The following VLDLR variants were observed in gnomAD, a reference collection of about 807,000 sequenced individuals.
The protein encoded by VLDLR is very low density lipoprotein receptor, also known as very low-density lipoprotein receptor.
Under a neutral mutation model 112.7 loss-of-function variants are expected in VLDLR, and 81 were observed. The observed-to-expected ratio is 0.72, with a 90% CI of 0.60 to 0.86. The LOEUF (loss-of-function observed/expected upper bound fraction) is 0.86, where lower values mean the gene tolerates loss of function less well. Among genes scored for constraint, VLDLR ranks in the 40% least tolerant of loss-of-function variants. VLDLR has a pLI of 0.00. For synonymous variants in VLDLR, 436 were observed against 384.8 expected, an observed-to-expected ratio of 1.13 and a Z score of -1.56; for missense variants, 1,237 against 1,099.4, an observed-to-expected ratio of 1.13 and a Z score of -1.77.
intron 3 of VLDLR, 49 bp from the exon 4 acceptor site, chr9:2,641,328 T>G: frequency 2.5e-6 from 4 of 1,612,980 alleles, no homozygotes; most frequent in Non-Finnish European, 3.4e-6. Context: ...AGCAGCAGCT[T>G]TGCATTGATC....
chr9:2,650,426 C>T lies in VLDLR; in HGVS notation c.2161C>T (p.Pro721Ser), dbSNP rs766393542. Residue 721 changes from proline (P) to serine (S), a missense_variant, in exon 15 of 19, where the codon CCA becomes TCA. Pro to Ser is a moderately conservative substitution (Grantham distance 74). Transcript: ENST00000382100. ...ENGGCEYLCL[P>S]APQINDHSPK... Reference sequence around the variant, plus strand: ...TGGAGGATGTGAATACCTATGCCTGCCAGCACCACAGATTAATGATCACTC... The same window carrying T: ...TGGAGGATGTGAATACCTATGCCTGTCAGCACCACAGATTAATGATCACTC... 6.2e-7 allele frequency: 1 copy of T among 1,614,024 alleles called. No homozygotes were observed. The highest frequency in any genetic ancestry group is 8.5e-7 in the Non-Finnish European group (1 of 1,180,016).
chr9:2,658,694 GCA>G lies in VLDLR; in HGVS notation c.*4829_*4830del, dbSNP rs1818693790. 6.6e-6 allele frequency: 1 copy of G among 152,172 alleles called. No individual in the cohort carries two copies. Among genetic ancestry groups the G allele is most frequent in the Non-Finnish European group, 1.5e-5 (1 of 68,042 alleles). The allele number at this position is 152,172 out of a possible 1,614,324, so 9.4% of individuals were successfully genotyped here. ...AAGTGAGATGCACACAAAAAGCTCAGCACAGTGTCTGGCATCTAATATGTGCA... is the reference window on the plus strand; with the variant it reads ...AAGTGAGATGCACACAAAAAGCTCAGCAGTGTCTGGCATCTAATATGTGCA... On this transcript the variant is annotated 3_prime_UTR_variant, in exon 19 of 19. Coordinates refer to ENST00000382100, the MANE Select transcript of VLDLR (RefSeq NM_003383.5).
At chr9:2,644,655 C>T (rs753321742) in intron 7 of VLDLR, 79 bp from the exon 8 acceptor site, 4 of 1,600,408 alleles carry the variant, frequency 2.5e-6, no homozygotes, top group Non-Finnish European at 3.4e-6. Flanking sequence ...GATAAGTTAT[C>T]ACAAATAGCC....
At chr9:2,652,073 T>A in intron 17 of VLDLR, 119 bp downstream of exon 17, 1 of 906,776 alleles carries the variant, frequency 1.1e-6, no homozygotes, top group Non-Finnish European at 1.8e-6. Context: ...TTTATGACAC[T>A]GAATTACGTT....
chr9:2,622,170 G>GCGGCACCGGCACCAT lies in VLDLR; in HGVS notation c.-19_-18insGGCACCGGCACCATC. Reference sequence around the variant, plus strand: ...AACGGCGGCGGCGGCGGCGGCGGCGGCACCATCCAGGCGGGCACCATGGGC... The same window carrying GCGGCACCGGCACCAT: ...AACGGCGGCGGCGGCGGCGGCGGCGGCGGCACCGGCACCATCACCATCCAGGCGGGCACCATGGGC... On this transcript the variant is annotated 5_prime_UTR_variant, in exon 1 of 19. Transcript: ENST00000382100. The GCGGCACCGGCACCAT allele has an allele frequency of 1.4e-6, 2 of 1,458,718 alleles. No homozygotes were observed. The highest frequency in any genetic ancestry group is 1.8e-6 in the Non-Finnish European group (2 of 1,105,036). The allele number at this position is 1,458,718 out of a possible 1,614,324, so 90.4% of individuals were successfully genotyped here.
chr9:2,628,909 GTGA>G (rs2130765055), intron 1 of VLDLR, among the ~76,000 whole-genome samples: 1 of 152,324 alleles, frequency 6.6e-6, no homozygotes, highest in African/African-American at 2.4e-5. Flanking sequence ...TGTCCCTCCT[GTGA>G]TGAACATTAG....
intron 10 of VLDLR, 101 bp downstream of exon 10, chr9:2,645,846 A>G: frequency 1.4e-6 from 2 of 1,393,092 alleles, no homozygotes; most frequent in Non-Finnish European, 2.0e-6. Flanking sequence ...GTCTAGCCCC[A>G]TCTAGCATCG....
In VLDLR at chr9:2,646,598, T is replaced by A. The variant is rs1818087674; in HGVS notation, c.1703+46T>A. ...CACAGACTTTGGAATGGTATCTGTG[T>A]AGGTCAGGAGCTTTCTCATACCTGA... is the stretch of plus-strand genomic sequence containing the variant. On this transcript the variant is annotated intron_variant, in intron 11 of 18. Coordinates refer to ENST00000382100, the MANE Select transcript of VLDLR (RefSeq NM_003383.5). 4 of 1,571,136 alleles carry A rather than the reference T, an allele frequency of 2.5e-6. No homozygotes were observed. The East Asian group carries it at 6.7e-5, about 26-fold the overall frequency.
At chr9:2,626,633 G>C (rs1006168921) in intron 1 of VLDLR, among the ~76,000 whole-genome samples, 1 of 152,194 alleles carries the variant, frequency 6.6e-6, no homozygotes, top group Non-Finnish European at 1.5e-5. Flanking sequence ...GTAGTTTAGA[G>C]ATGCTGGAAA....
intron 1 of VLDLR, among the ~76,000 whole-genome samples, chr9:2,631,359 C>A (rs1043616365): frequency 6.6e-6 from 1 of 152,190 alleles, no homozygotes; most frequent in African/African-American, 2.4e-5. Flanking sequence ...GATACCTGCA[C>A]TGGCATGTTT....
rs757283579 is a variant in VLDLR, at chr9:2,643,501, T to G, written c.790T>G (p.Cys264Gly). 6.2e-7 allele frequency: 1 copy of G among 1,614,214 alleles called. No individual in the cohort carries two copies. Among genetic ancestry groups the G allele is most frequent in the East Asian group, 2.2e-5 (1 of 44,886 alleles). ...KKWRCDGDPDCKDGSDEVNCP... is the reference protein window; with the variant it reads ...KKWRCDGDPDGKDGSDEVNCP... ...GTGGCGATGTGATGGGGACCCTGAC[T>G]GCAAGGATGGCAGTGATGAGGTCAA... Residue 264 changes from cysteine to glycine, a missense_variant, in exon 5 of 19, where the codon TGC becomes GGC. By Grantham distance (159) the Cys-to-Gly change is radical (BLOSUM62 -3). Coordinates refer to ENST00000382100, the MANE Select transcript of VLDLR (RefSeq NM_003383.5).
At position 2,645,705 on chromosome 9, in the gene VLDLR, A is replaced by C; in HGVS notation, c.1444A>C (p.Lys482Gln). ...VALDADIAAQ[K>Q]LFWADLSQKA... ...TCTCGATGCTGACATTGCTGCCCAG[A>C]AACTATTCTGGGCCGATCTAAGCCA... is the stretch of plus-strand genomic sequence containing the variant. The change falls in exon 10 of 19, where the codon AAA (lysine) becomes CAA (glutamine). Residue 482 changes from lysine (K) to glutamine (Q), a missense_variant. Physicochemically the swap from Lys to Gln is moderately conservative, Grantham distance 53. Transcript: ENST00000382100. 1 of 1,614,214 alleles carries C rather than the reference A, an allele frequency of 6.2e-7. No individual in the cohort carries two copies. Among genetic ancestry groups the C allele is most frequent in the Non-Finnish European group, 8.5e-7 (1 of 1,180,030 alleles).
Position 2,657,568 on chromosome 9 carries a change from A to AT in VLDLR, c.*3700_*3701insT, listed in dbSNP as rs1283562385. On this transcript the variant is annotated 3_prime_UTR_variant, in exon 19 of 19. Coordinates refer to ENST00000382100, the MANE Select transcript of VLDLR (RefSeq NM_003383.5). Reference sequence around the variant, plus strand: ...CGGTGCCTAAAAACCACATATATATAATCCCCTGGGTATTACATATTCTGC... The same window carrying AT: ...CGGTGCCTAAAAACCACATATATATATATCCCCTGGGTATTACATATTCTGC... The AT allele has an allele frequency of 6.6e-6, 1 of 152,110 alleles. No homozygotes were observed. Among genetic ancestry groups the AT allele is most frequent in the Non-Finnish European group, 1.5e-5 (1 of 67,992 alleles). The allele number at this position is 152,110 out of a possible 1,614,324, so 9.4% of individuals were successfully genotyped here.
At chr9:2,633,240 C>T (rs1817448469) in intron 1 of VLDLR, among the ~76,000 whole-genome samples, 1 of 152,132 alleles carries the variant, frequency 6.6e-6, no homozygotes. Flanking sequence ...TGTCCTGAGT[C>T]TCCTCAATAT....
chr9:2,651,134 C>A (rs575686085), intron 15 of VLDLR, among the ~76,000 whole-genome samples: 2 of 152,114 alleles, frequency 1.3e-5, no homozygotes, highest in Non-Finnish European at 2.9e-5. Flanking sequence ...TCGTAGTTTC[C>A]AGGAACATGG....
At chr9:2,622,864 C>T (rs1816889702) in intron 1 of VLDLR, among the ~76,000 whole-genome samples, 1 of 152,126 alleles carries the variant, frequency 6.6e-6, no homozygotes, top group African/African-American at 2.4e-5. Flanking sequence ...TGCGACTCCC[C>T]CGGCGCGGGG....
chr9:2,652,541 G>A (rs1818399096), intron 17 of VLDLR, among the ~76,000 whole-genome samples: 1 of 152,170 alleles, frequency 6.6e-6, no homozygotes, highest in African/African-American at 2.4e-5. Flanking sequence ...GTGGGACCGA[G>A]GACCCTGCCC....
intron 14 of VLDLR, among the ~76,000 whole-genome samples, chr9:2,649,476 C>T (rs1201056907): frequency 6.6e-6 from 1 of 152,190 alleles, no homozygotes; most frequent in Admixed American, 6.5e-5. Flanking sequence ...ACTGCAACCT[C>T]CGCCTCCTGT....
Position 2,643,857 on chromosome 9 carries a change from G to C in VLDLR, c.964G>C (p.Gly322Arg). 6.2e-7 allele frequency: 1 copy of C among 1,614,162 alleles called. No individual in the cohort carries two copies. The highest frequency in any genetic ancestry group is 8.5e-7 in the Non-Finnish European group (1 of 1,180,038). The stretch of plus-strand genomic sequence containing the variant: ...TGTAGTCAATCAGTGCTTGGGCCCT[G>C]GAAAATTCAAGTGCAGAAGTGGAGA... ...CKNVNQCLGP[G>R]KFKCRSGECI... Residue 322 changes from glycine to arginine, a missense_variant, in exon 7 of 19, where the codon GGA becomes CGA. Gly to Arg is a moderately radical substitution (Grantham distance 125, BLOSUM62 -2). Coordinates refer to ENST00000382100, the MANE Select transcript of VLDLR (RefSeq NM_003383.5).
Sources: allele counts gnomAD v4.1 joint callset (sites outside exome capture counted in the v4.1 genomes callset), GRCh38; gene constraint gnomAD v4.1.1; transcripts MANE v1.5; gene names NCBI Gene and HGNC (gene_info 2026-07-23, HGNC 2026-07-21).